EPB41L5: variants seen among roughly 807,000 people sequenced by gnomAD.
EPB41L5 encodes the protein erythrocyte membrane protein band 4.1 like 5, also known as band 4.1-like protein 5.
Under a neutral mutation model 106.6 loss-of-function variants are expected in EPB41L5, and 55 were observed. The ratio of observed to expected loss-of-function variants is 0.52; its 90% CI spans 0.42 to 0.65. EPB41L5 has a LOEUF of 0.65. Among genes scored for constraint, EPB41L5 ranks in the 30% least tolerant of loss-of-function variants. The pLI is 0.00. For missense variants in EPB41L5, 871 were observed against 882.1 expected (o/e 0.99, Z 0.16); for synonymous variants, 297 against 306.7 (o/e 0.97, Z 0.33).
intron 16 of EPB41L5, among the ~76,000 whole-genome samples, chr2:120,121,377 T>A (rs1445149155): frequency 6.6e-6 from 1 of 151,838 alleles, no homozygotes; most frequent in Non-Finnish European, 1.5e-5. Flanking sequence ...CAGGCCCCAG[T>A]GTGTGGTGTT....
chr2:120,146,374 T>A, intron 20 of EPB41L5, 85 bp downstream of exon 20: 1 of 957,890 alleles, frequency 1.0e-6, no homozygotes. Flanking sequence ...CCACATGGTT[T>A]CAGGATGTCT....
intron 5 of EPB41L5, 53 bp from the exon 6 acceptor site, chr2:120,075,423 T>C: frequency 7.5e-7 from 1 of 1,327,860 alleles, no homozygotes; most frequent in South Asian, 1.2e-5. Context: ...TAAGATTTTT[T>C]TTCACAGTCG....
intron 2 of EPB41L5, among the ~76,000 whole-genome samples, chr2:120,035,995 T>C (rs1366843738): frequency 1.3e-5 from 2 of 152,120 alleles, no homozygotes; most frequent in Admixed American, 1.3e-4. Flanking sequence ...GGAAGGATAA[T>C]TGAGGTAAAA....
chr2:120,022,352 G>A (rs1274042882), intron 2 of EPB41L5, among the ~76,000 whole-genome samples: 17 of 148,758 alleles, frequency 1.1e-4, no homozygotes, highest in African/African-American at 4.2e-4. Context: ...CCCCCCGACA[G>A]GCCCTGGTGT....
At chr2:120,035,172 C>T (rs1490418250) in intron 2 of EPB41L5, among the ~76,000 whole-genome samples, 1 of 152,110 alleles carries the variant, frequency 6.6e-6, no homozygotes, top group Non-Finnish European at 1.5e-5. Context: ...ACACCATTTC[C>T]CATAGTTACC....
chr2:120,105,783 G>C (rs1684417375), intron 16 of EPB41L5: 1 of 985,056 alleles, frequency 1.0e-6, no homozygotes, highest in African/African-American at 1.7e-5. Flanking sequence ...ACATAGCTCA[G>C]ATGATAATTG....
intron 1 of EPB41L5, among the ~76,000 whole-genome samples, chr2:120,018,808 C>G (rs1345929628): frequency 6.6e-6 from 1 of 152,036 alleles, no homozygotes; most frequent in Non-Finnish European, 1.5e-5. Flanking sequence ...ACCACCACAC[C>G]TGGCTAATTT....
At chr2:120,173,328 G>A (rs1419868070) in intron 24 of EPB41L5, among the ~76,000 whole-genome samples, 1 of 152,182 alleles carries the variant, frequency 6.6e-6, no homozygotes, top group Non-Finnish European at 1.5e-5. Flanking sequence ...GGAAGTCATT[G>A]TATAAACACC....
At chr2:120,078,361 A>ACATCT (rs1170631964) in intron 9 of EPB41L5, 132 bp from the exon 10 acceptor site, 2 of 425,904 alleles carry the variant, frequency 4.7e-6, no homozygotes. Flanking sequence ...ATTGTTGAAA[A>ACATCT]CATCTCATAT....
intron 3 of EPB41L5, among the ~76,000 whole-genome samples, chr2:120,045,987 C>T (rs574116749): frequency 2.6e-5 from 4 of 152,266 alleles, no homozygotes; most frequent in African/African-American, 9.6e-5. Context: ...AGGACATGAA[C>T]TCATCCTTTT....
intron 2 of EPB41L5, among the ~76,000 whole-genome samples, chr2:120,037,594 A>G (rs1034957597): frequency 6.6e-6 from 1 of 152,044 alleles, no homozygotes; most frequent in Non-Finnish European, 1.5e-5. Context: ...AGGCAGGAGG[A>G]TTGCTTGAGA....
chr2:120,173,444 A>T (rs1441092125), intron 24 of EPB41L5, among the ~76,000 whole-genome samples: 1 of 152,144 alleles, frequency 6.6e-6, no homozygotes, highest in Admixed American at 6.5e-5. Context: ...CTGATTCGGT[A>T]TATCTGGGGT....
rs774630317 is a variant in EPB41L5, at chr2:120,160,945, A to G, written c.1858A>G (p.Thr620Ala). The part of the protein sequence containing the change: ...KESLETLMLI[T>A]PADSGSVLKE... Reference sequence around the variant, plus strand: ...GTCTCTTGAGACTCTGATGCTTATCACACCTGCCGACAGTGGTTCTGTTCT... The same window carrying G: ...GTCTCTTGAGACTCTGATGCTTATCGCACCTGCCGACAGTGGTTCTGTTCT... The change falls in exon 21 of 25, where the codon ACA (threonine) becomes GCA (alanine). Residue 620 changes from threonine (T) to alanine (A), a missense_variant. By Grantham distance (58) the Thr-to-Ala change is moderately conservative. Transcript: ENST00000263713. 5 of 1,613,928 alleles carry G rather than the reference A, an allele frequency of 3.1e-6. No homozygotes were observed. The Admixed American group carries it at 8.3e-5, about 27-fold the overall frequency.
intron 16 of EPB41L5, among the ~76,000 whole-genome samples, chr2:120,119,586 T>A (rs1313662396): frequency 1.3e-5 from 2 of 152,166 alleles, no homozygotes; most frequent in Non-Finnish European, 2.9e-5. Context: ...TAGGCAGTTA[T>A]CCCAGCACTA....
chr2:120,160,227 A>G (rs1404855780), intron 20 of EPB41L5, among the ~76,000 whole-genome samples: 4 of 152,274 alleles, frequency 2.6e-5, no homozygotes, highest in African/African-American at 9.6e-5. Context: ...AAAAAATTAT[A>G]CTTTTCGGCT....
intron 16 of EPB41L5, among the ~76,000 whole-genome samples, chr2:120,102,188 G>A (rs1558876472): frequency 6.6e-6 from 1 of 152,142 alleles, no homozygotes; most frequent in Non-Finnish European, 1.5e-5. Flanking sequence ...TTACGACACT[G>A]AATCTTTGAG....
At chr2:120,074,629 C>T (rs1682105392) in intron 5 of EPB41L5, among the ~76,000 whole-genome samples, 2 of 151,892 alleles carry the variant, frequency 1.3e-5, no homozygotes, top group Non-Finnish European at 2.9e-5. Flanking sequence ...TTGAATAAAC[C>T]TTATGTTGTA....
Position 120,016,204 on chromosome 2 carries a change from CG to C in EPB41L5, c.-8-2871del, listed in dbSNP as rs1203298301. Among the ~76,000 whole-genome samples the C allele has an allele frequency of 2.0e-5, 3 of 152,100 alleles. No homozygotes were observed. The East Asian group carries it at 5.8e-4, about 29-fold the overall frequency. On this transcript the variant is annotated intron_variant, in intron 1 of 24. Coordinates refer to ENST00000263713, the MANE Select transcript of EPB41L5 (RefSeq NM_020909.4). Reference sequence around the variant, plus strand: ...TAGCACTTTGGGAGGCCGAGGCGGGCGGATCACCTGAGGTCAGAAGTTTGAG... The same window carrying C: ...TAGCACTTTGGGAGGCCGAGGCGGGCGATCACCTGAGGTCAGAAGTTTGAG...
intron 14 of EPB41L5, 92 bp downstream of exon 14, chr2:120,093,368 G>T: frequency 9.6e-7 from 1 of 1,041,002 alleles, no homozygotes; most frequent in Non-Finnish European, 1.5e-6. Flanking sequence ...CTATCAAAAT[G>T]TCAAGTTGTC....
Sources: gnomAD v4.1 joint callset for allele counts (sites outside exome capture counted in the v4.1 genomes callset) on GRCh38, gnomAD v4.1.1 for gene constraint, MANE v1.5 for transcripts, NCBI Gene and HGNC (gene_info 2026-07-23, HGNC 2026-07-21) for gene names.